Variants in PKHD1L1 observed in about 807,000 individuals in gnomAD.
PKHD1L1 encodes PKHD1 like 1.
Under a neutral mutation model 462.9 loss-of-function variants are expected in PKHD1L1, and 434 were observed. That is an observed-to-expected ratio of 0.94 (90% CI 0.87 to 1.02). The LOEUF (loss-of-function observed/expected upper bound fraction) is 1.02. Ranked by LOEUF, PKHD1L1 falls within the 50% of genes least tolerant of loss-of-function variation. PKHD1L1 has a pLI of 0.00. For missense variants in PKHD1L1, 5,202 were observed against 5,096.1 expected (o/e 1.02, Z -0.63); for synonymous variants, 1,781 against 1,750.0 (o/e 1.02, Z -0.44).
chr8:109,425,840 C>T (rs1027167425), intron 24 of PKHD1L1, among the ~76,000 whole-genome samples: 25 of 151,974 alleles, frequency 1.6e-4, no homozygotes, highest in Non-Finnish European at 2.1e-4. Context: ...GTGACTAGTG[C>T]CACATGTCAA....
chr8:109,423,075 C>T (rs1814555923), intron 23 of PKHD1L1, among the ~76,000 whole-genome samples: 1 of 152,090 alleles, frequency 6.6e-6, no homozygotes, highest in African/African-American at 2.4e-5. Context: ...AATATTTTCT[C>T]CCAGACTGTA....
intron 76 of PKHD1L1, among the ~76,000 whole-genome samples, chr8:109,523,778 G>A (rs913377979): frequency 3.3e-5 from 5 of 152,178 alleles, no homozygotes; most frequent in African/African-American, 1.2e-4. Flanking sequence ...GGGCTAGAAA[G>A]TTGGCTGTGG....
chr8:109,432,006 G>T (rs540498645), intron 27 of PKHD1L1, among the ~76,000 whole-genome samples: 2 of 152,074 alleles, frequency 1.3e-5, no homozygotes, highest in African/African-American at 4.8e-5. Flanking sequence ...TATTCCGATG[G>T]GTGAAAGTTA....
intron 22 of PKHD1L1, 33 bp downstream of exon 22, chr8:109,419,293 T>A: frequency 6.7e-7 from 1 of 1,485,618 alleles, no homozygotes; most frequent in Middle Eastern, 1.8e-4. Context: ...TGCTTTAATC[T>A]AAATATAGTA....
chr8:109,362,797 G>A (rs1243259716), intron 1 of PKHD1L1, 144 bp downstream of exon 1: 6 of 834,774 alleles, frequency 7.2e-6, no homozygotes, highest in African/African-American at 1.7e-5. Flanking sequence ...TGGGGACCAG[G>A]GGAGCTGGAT....
At chr8:109,376,435 C>A (rs1003905982) in intron 2 of PKHD1L1, among the ~76,000 whole-genome samples, 1 of 152,164 alleles carries the variant, frequency 6.6e-6, no homozygotes, top group African/African-American at 2.4e-5. Context: ...ATTCCCTGAC[C>A]TCTTGTGCTT....
chr8:109,455,454 G>A (rs1434252335), intron 45 of PKHD1L1, among the ~76,000 whole-genome samples: 1 of 152,120 alleles, frequency 6.6e-6, no homozygotes, highest in Non-Finnish European at 1.5e-5. Context: ...CCTTTTCCAT[G>A]AGCCTCCAGG....
In PKHD1L1 at chr8:109,510,941, C is replaced by T. The variant is rs376489472; in HGVS notation, c.11553+7C>T. On this transcript the variant is annotated splice_region_variant and intron_variant, in intron 71 of 77. Coordinates refer to ENST00000378402, the MANE Select transcript of PKHD1L1 (RefSeq NM_177531.6). Reference sequence around the variant, plus strand: ...TAATGTTGATCATAACAAGGTAGGGCAAGATGTCTTAAGAGTAATTGCTGT... The same window carrying T: ...TAATGTTGATCATAACAAGGTAGGGTAAGATGTCTTAAGAGTAATTGCTGT... 1.9e-6 allele frequency: 3 copies of T among 1,611,010 alleles called. No individual in the cohort carries two copies. In the African/African-American group the frequency reaches 4.0e-5, roughly 22 times the overall value.
intron 55 of PKHD1L1, 105 bp from the exon 56 acceptor site, chr8:109,481,328 A>G: frequency 9.4e-7 from 1 of 1,059,454 alleles, no homozygotes; most frequent in Non-Finnish European, 1.3e-6. Context: ...AACAAAACTC[A>G]TTCCTTTTTA....
chr8:109,520,204 T>C lies in PKHD1L1; in HGVS notation c.12031+1696T>C, dbSNP rs1248622396. ...TCTCTGCCCAGAGTAATAGTTAACT[T>C]TCCTTCGTCAGTTCTGTACTCACTT... On this transcript the variant is annotated intron_variant, in intron 73 of 77. Transcript: ENST00000378402. Among the ~76,000 whole-genome samples, 5 of 152,162 alleles carry C rather than the reference T, an allele frequency of 3.3e-5. No homozygotes were observed. In the South Asian group the frequency reaches 1.0e-3, roughly 32 times the overall value.
chr8:109,465,036 G>A lies in PKHD1L1; in HGVS notation c.8204G>A (p.Gly2735Asp), dbSNP rs1436831782. 2 of 1,613,674 alleles carry A rather than the reference G, an allele frequency of 1.2e-6. No individual in the cohort carries two copies. The highest frequency in any genetic ancestry group is 1.7e-6 in the Non-Finnish European group (2 of 1,179,804). ...GGCCTGGTTCTCCCATTTAGTGAAG[G>A]CTTGACTGTCTCTTCTGTGCACTTT... ...AKGLVLPFSE[G>D]LTVSSVHFMN... Residue 2735 changes from glycine to aspartate, a missense_variant, in exon 49 of 78, where the codon GGC becomes GAC. Coordinates refer to ENST00000378402, the MANE Select transcript of PKHD1L1 (RefSeq NM_177531.6).
intron 2 of PKHD1L1, among the ~76,000 whole-genome samples, chr8:109,376,466 G>A (rs779130916): frequency 2.6e-5 from 4 of 152,112 alleles, no homozygotes; most frequent in Non-Finnish European, 5.9e-5. Flanking sequence ...GTGATGCCTC[G>A]CCCTGCTTCG....
intron 28 of PKHD1L1, among the ~76,000 whole-genome samples, chr8:109,434,803 C>T (rs1030114637): frequency 3.9e-5 from 6 of 151,980 alleles, no homozygotes; most frequent in Non-Finnish European, 7.4e-5. Context: ...CCTGATAAAA[C>T]GTAGTATTTT....
chr8:109,444,940 G>A lies in PKHD1L1; in HGVS notation c.5071G>A (p.Val1691Ile), dbSNP rs1816038169. 1.2e-6 allele frequency: 2 copies of A among 1,614,014 alleles called. No individual in the cohort carries two copies. The highest frequency in any genetic ancestry group is 1.7e-6 in the Non-Finnish European group (2 of 1,179,880). ...GSGFAVSSAG[V>I]KVLMGHFPCK... ...TGGATTTGCCGTTTCTTCTGCAGGTGTAAAAGTCCTTATGGGTCATTTCCC... is the reference window on the plus strand; with the variant it reads ...TGGATTTGCCGTTTCTTCTGCAGGTATAAAAGTCCTTATGGGTCATTTCCC... The change falls in exon 38 of 78, where the codon GTA (valine) becomes ATA (isoleucine). Residue 1691 changes from valine to isoleucine, a missense_variant. Physicochemically the swap from Val to Ile is conservative, Grantham distance 29. This residue lies in a region of PKHD1L1 where 4,497 missense variants were observed against 4,336.8 expected (regional missense o/e 1.04). Coordinates refer to ENST00000378402, the MANE Select transcript of PKHD1L1 (RefSeq NM_177531.6).
chr8:109,470,794 G>A, intron 50 of PKHD1L1: 4 of 1,524,476 alleles, frequency 2.6e-6, no homozygotes, highest in East Asian at 2.3e-5. Context: ...GTTTTGTGAG[G>A]TAAGGAAGGA....
chr8:109,410,552 C>T (rs977632168), intron 19 of PKHD1L1, among the ~76,000 whole-genome samples: 9 of 151,852 alleles, frequency 5.9e-5, no homozygotes, highest in South Asian at 2.1e-4. Flanking sequence ...AGAACAGCAC[C>T]GATGGGATGG....
At chr8:109,426,618 C>T (rs1435553780) in intron 24 of PKHD1L1, among the ~76,000 whole-genome samples, 6 of 152,002 alleles carry the variant, frequency 3.9e-5, no homozygotes, top group Non-Finnish European at 8.8e-5. Flanking sequence ...ATTTCATGTG[C>T]TTTAAAGATG....
At chr8:109,404,452 C>T in intron 14 of PKHD1L1, 102 bp from the exon 15 acceptor site, 2 of 660,044 alleles carry the variant, frequency 3.0e-6, no homozygotes, top group Non-Finnish European at 4.5e-6. Context: ...AGTCATTTAA[C>T]AGGCAGGCTT....
chr8:109,434,905 G>A (rs1815316400), intron 28 of PKHD1L1, among the ~76,000 whole-genome samples: 1 of 151,782 alleles, frequency 6.6e-6, no homozygotes, highest in African/African-American at 2.4e-5. Flanking sequence ...AAAAAATTAT[G>A]ACAATAGTCT....
Sources: gnomAD v4.1 joint callset for allele counts (sites outside exome capture counted in the v4.1 genomes callset) on GRCh38, gnomAD v4.1.1 for gene constraint, gnomAD v4.1.1 regional missense constraint, MANE v1.5 for transcripts, NCBI Gene and HGNC (gene_info 2026-07-23, HGNC 2026-07-21) for gene names.